Variants in UBR4 observed in about 807,000 individuals in gnomAD.
UBR4 encodes ubiquitin protein ligase E3 component n-recognin 4, also known as E3 ubiquitin-protein ligase UBR4.
Under a neutral mutation model 575.6 loss-of-function variants are expected in UBR4, and 124 were observed. That is an observed-to-expected ratio of 0.22 (90% CI 0.19 to 0.25). The LOEUF (loss-of-function observed/expected upper bound fraction) is 0.25, where lower values mean the gene tolerates loss of function less well. Among genes scored for constraint, UBR4 ranks in the 10% least tolerant of loss-of-function variants. The pLI, the probability that UBR4 is intolerant of heterozygous loss-of-function variation, is 1.00. For synonymous variants in UBR4, 2,455 were observed against 2,473.7 expected (o/e 0.99, Z 0.22); for missense variants, 4,818 against 6,478.8 (o/e 0.74, Z 8.80).
chr1:19,151,933 A>T (rs1016895112), intron 47 of UBR4, 74 bp from the exon 48 acceptor site: 8 of 1,311,490 alleles, frequency 6.1e-6, no homozygotes, highest in Non-Finnish European at 8.3e-6. Context: ...TTCTTCTCTG[A>T]CATTGTCTCA....
In UBR4 at chr1:19,165,007, G is replaced by A. The variant is rs189822808; in HGVS notation, c.4313-10C>T. 899 of 1,613,832 alleles carry A rather than the reference G, an allele frequency of 5.6e-4. 5 individuals carry two copies. The African/African-American group carries it at 9.0e-3, about 16-fold the overall frequency. ...TTAGGGCTCTTCTCAGCTAGGAGCA[G>A]AACAAGAGGCCAGGGTCAGTAAAGA... On this transcript the variant is annotated splice_polypyrimidine_tract_variant and intron_variant, in intron 31 of 105. Coordinates refer to ENST00000375254, the MANE Select transcript of UBR4 (RefSeq NM_020765.3).
At position 19,160,234 on chromosome 1, in the gene UBR4, A is replaced by G; in HGVS notation, c.5454T>C (p.Leu1818=). The change falls in exon 39 of 106, where the codon CTT becomes CTC. Residue 1818 remains leucine, a synonymous_variant. Transcript: ENST00000375254. ...APLVLDMLNF[L]MDAIQTNFQQ... is the part of the protein sequence containing the mutation. ...GGAAGTTGGTCTGAATGGCATCCAT[A>G]AGGAAATTAAGCATGTCTAACACGA... 1 of 1,614,012 alleles carries G rather than the reference A, an allele frequency of 6.2e-7. No individual in the cohort carries two copies. Among genetic ancestry groups the G allele is most frequent in the Non-Finnish European group, 8.5e-7 (1 of 1,180,006 alleles).
intron 26 of UBR4, among the ~76,000 whole-genome samples, chr1:19,170,155 G>A (rs2089279024): frequency 6.6e-6 from 1 of 152,154 alleles, no homozygotes. Context: ...CAGGCACAAA[G>A]TACTAGCTTG....
At position 19,157,918 on chromosome 1, in the gene UBR4, C is replaced by A; in HGVS notation, c.5657G>T (p.Arg1886Leu). Reference protein sequence around the residue: ...NYSGDQGQTIRQLISAHVLRR... With the variant: ...NYSGDQGQTILQLISAHVLRR... ...GAGCACATGAGCACTGATCAGCTGC[C>A]GGATGGTCTGGCCCTGGTCTCCACT... The change falls in exon 40 of 106, where the codon CGG (arginine) becomes CTG (leucine). Residue 1886 changes from arginine to leucine, a missense_variant. Transcript: ENST00000375254. This position sits in a 1 kb window ranked among gnomAD's most constrained non-coding sequence, Gnocchi z 4.4. 1 of 1,614,240 alleles carries A rather than the reference C, an allele frequency of 6.2e-7. No homozygotes were observed. Among genetic ancestry groups the A allele is most frequent in the Non-Finnish European group, 8.5e-7 (1 of 1,180,036 alleles).
At chr1:19,115,843 A>G (rs1284199346) in intron 73 of UBR4, among the ~76,000 whole-genome samples, 1 of 152,264 alleles carries the variant, frequency 6.6e-6, no homozygotes, top group Admixed American at 6.5e-5. Flanking sequence ...AAGAACATAC[A>G]AGTGCTTTAA....
At chr1:19,144,202 C>T (rs553161716) in intron 54 of UBR4, 111 bp from the exon 55 acceptor site, 1 of 897,898 alleles carries the variant, frequency 1.1e-6, no homozygotes, top group South Asian at 1.5e-5. Flanking sequence ...GAATACCTCT[C>T]TACTCTCACC....
intron 2 of UBR4, among the ~76,000 whole-genome samples, chr1:19,200,389 A>T (rs2092688634): frequency 6.6e-6 from 1 of 152,172 alleles, no homozygotes; most frequent in Non-Finnish European, 1.5e-5. Context: ...AGCTTGCACT[A>T]GACAATACTA....
At chr1:19,143,317 A>G (rs959845490) in intron 55 of UBR4, among the ~76,000 whole-genome samples, 2 of 149,612 alleles carry the variant, frequency 1.3e-5, no homozygotes, top group Admixed American at 1.3e-4. Flanking sequence ...AAAGAAAGAA[A>G]GAAAATTTAA....
rs759382153 is a variant in UBR4, at chr1:19,127,787, G to T, written c.9112-48C>A. On this transcript the variant is annotated intron_variant, in intron 62 of 105. Transcript: ENST00000375254. ...AGAAACCTCTACTTACTCGATGCTT[G>T]AGGCATCCTCTGAACAAGATCCCTT... is the stretch of plus-strand genomic sequence containing the variant. 4.8e-6 allele frequency: 7 copies of T among 1,472,358 alleles called. No individual in the cohort carries two copies. The East Asian group carries it at 1.6e-4, about 33-fold the overall frequency. The allele number at this position is 1,472,358 out of a possible 1,614,324, so 91.2% of individuals were successfully genotyped here.
In UBR4 at chr1:19,161,204, C is replaced by A. The variant is rs1252032193; in HGVS notation, c.5176-57G>T. ...TCTTGCCTCAAGCACAGAGGAAATA[C>A]TGCCTGAGATCTCCGAGGAAAATTT... On this transcript the variant is annotated intron_variant, in intron 37 of 105. Transcript: ENST00000375254. 2.0e-6 allele frequency: 3 copies of A among 1,518,204 alleles called. No homozygotes were observed. The East Asian group carries it at 6.9e-5, about 35-fold the overall frequency. The allele number at this position is 1,518,204 out of a possible 1,614,324, so 94.0% of individuals were successfully genotyped here. A position where few individuals can be genotyped will look rare whatever the true frequency, so the allele number is the denominator to read the frequency against.
intron 3 of UBR4, 111 bp downstream of exon 3, chr1:19,199,540 G>T (rs1263214701): frequency 1.1e-6 from 1 of 920,854 alleles, no homozygotes; most frequent in Non-Finnish European, 1.7e-6. Flanking sequence ...GCCTGCAAAT[G>T]ATTTCCTATC....
intron 59 of UBR4, 55 bp from the exon 60 acceptor site, chr1:19,138,236 C>A: frequency 7.0e-7 from 1 of 1,432,676 alleles, no homozygotes; most frequent in South Asian, 1.7e-5. Context: ...TGAAGGAACC[C>A]AGTGCATTCT....
chr1:19,122,619 T>C (rs1278765637), intron 66 of UBR4, among the ~76,000 whole-genome samples: 1 of 152,184 alleles, frequency 6.6e-6, no homozygotes, highest in African/African-American at 2.4e-5. Flanking sequence ...CCAGGTGGGA[T>C]GAGAGTGCTG....
At position 19,152,514 on chromosome 1, in the gene UBR4, C is replaced by T. The variant is rs372181762; in HGVS notation, c.6833-38G>A. ...GTACCAGATCGTCAAGAGTCTCTCCCACCTCTGCCCCAACACCACTGGTAA... is the reference window on the plus strand; with the variant it reads ...GTACCAGATCGTCAAGAGTCTCTCCTACCTCTGCCCCAACACCACTGGTAA... On this transcript the variant is annotated intron_variant, in intron 46 of 105. Transcript: ENST00000375254. This position sits in a 1 kb window ranked among gnomAD's most constrained non-coding sequence, Gnocchi z 4.4. 5.6e-5 allele frequency: 90 copies of T among 1,611,120 alleles called. 1 individual carries two copies. In the African/African-American group the frequency reaches 1.1e-3, roughly 20 times the overall value.
chr1:19,174,871 T>C, intron 21 of UBR4, 83 bp downstream of exon 21: 1 of 1,284,582 alleles, frequency 7.8e-7, no homozygotes, highest in Non-Finnish European at 1.1e-6. Context: ...AAAAAGTCAG[T>C]CATTCCCTTT....
rs78171462 is a variant in UBR4 at position 19,083,166 on chromosome 1, G to C, written c.15008+1338C>G. Among the ~76,000 whole-genome samples, 663 of 152,244 alleles carry C rather than the reference G, an allele frequency of 4.4e-3. 4 individuals are homozygous for C. Among genetic ancestry groups the C allele is most frequent in the African/African-American group, 0.015 (627 of 41,516 alleles). The stretch of plus-strand genomic sequence containing the variant: ...GGAACACTGAGAAGGAGCGAAATTT[G>C]GACAGTGGGAAGGTCTGCGCCATCA... On this transcript the variant is annotated intron_variant, in intron 102 of 105. Transcript: ENST00000375254.
chr1:19,195,855 C>CAGT (rs779647629), intron 8 of UBR4, among the ~76,000 whole-genome samples: 1 of 152,052 alleles, frequency 6.6e-6, no homozygotes, highest in Non-Finnish European at 1.5e-5. Context: ...TTAATGGTCT[C>CAGT]TACTATCTAC....
Position 19,106,707 on chromosome 1 carries a change from T to A in UBR4, c.12255A>T (p.Lys4085Asn). The A allele has an allele frequency of 6.2e-7, 1 of 1,601,474 alleles. No individual in the cohort carries two copies. Among genetic ancestry groups the A allele is most frequent in the Non-Finnish European group, 8.5e-7 (1 of 1,173,042 alleles). ...GGCGGAGCTCTGATTTGCTGGGGGC[T>A]TTCCCATTGCCATCTATCCCTGCAA... ...LPIRGIDGNG[K>N]APSKSELRHL... The change falls in exon 83 of 106, where the codon AAA becomes AAT. Residue 4085 changes from lysine to asparagine, a missense_variant. Physicochemically the swap from Lys to Asn is moderately conservative, Grantham distance 94 (BLOSUM62 0). This residue lies in a region of UBR4 where 178 missense variants were observed against 175.5 expected (regional missense o/e 1.01). Coordinates refer to ENST00000375254, the MANE Select transcript of UBR4 (RefSeq NM_020765.3).
intron 48 of UBR4, 162 bp from the exon 49 acceptor site, chr1:19,150,955 A>G (rs1037371709): frequency 1.5e-5 from 11 of 712,970 alleles, no homozygotes; most frequent in Admixed American, 8.6e-5. Flanking sequence ...AATCGTGTAT[A>G]TATGCTGAAT....
Sources: gnomAD v4.1 joint callset for allele counts (sites outside exome capture counted in the v4.1 genomes callset) on GRCh38, gnomAD v4.1.1 for gene constraint, gnomAD v4.1.1 regional missense constraint, Gnocchi (gnomAD v3.1) non-coding constraint, MANE v1.5 for transcripts, NCBI Gene and HGNC (gene_info 2026-07-23, HGNC 2026-07-21) for gene names.